Variants in MCF2L observed in about 807,000 individuals in gnomAD.
MCF2L encodes guanine nucleotide exchange factor DBS.
A neutral mutation model predicts 153.4 loss-of-function variants in MCF2L; 97 were observed. The observed-to-expected ratio is 0.63, with a 90% CI of 0.54 to 0.75. MCF2L has a LOEUF of 0.75. MCF2L is among the 30% of genes least tolerant of loss of function. The probability of loss-of-function intolerance (pLI) is 0.00; values close to 1 mark genes in which losing one functional copy is unlikely to be tolerated. For synonymous variants in MCF2L, 659 were observed against 632.2 expected, an observed-to-expected ratio of 1.04 and a Z score of -0.64; for missense variants, 1,347 against 1,495.2, an observed-to-expected ratio of 0.90 and a Z score of 1.64.
intron 2 of MCF2L, among the ~76,000 whole-genome samples, chr13:112,912,020 C>A (rs2081238187): frequency 6.6e-6 from 1 of 152,112 alleles, no homozygotes; most frequent in Non-Finnish European, 1.5e-5. Flanking sequence ...TAAGTTCTAC[C>A]CCACCCTCAC....
intron 1 of MCF2L, among the ~76,000 whole-genome samples, chr13:112,972,515 A>AGTGGATGGATGGATGTGTGG (rs2082077403): frequency 3.5e-5 from 4 of 115,246 alleles, no homozygotes; most frequent in Non-Finnish European, 7.4e-5. Flanking sequence ...TGGATGTGTG[A>AGTGGATGGATGGATGTGTGG]GTGGATGGAT....
rs1440120791 is a variant in MCF2L, at chr13:113,053,349, A to T, written c.370-7244A>T. On this transcript the variant is annotated intron_variant, in intron 4 of 29. Transcript: ENST00000535094. The surrounding 1 kb of genome is among the most constrained non-coding windows in gnomAD (Gnocchi z 4.4). ...GCTTTCTGTCTTTTGTGAGATTGAG[A>T]TTTGCGAAGGGTTGAAGCCAGTTGC... Among the ~76,000 whole-genome samples, 1 of 152,080 alleles carries T rather than the reference A, an allele frequency of 6.6e-6. No homozygotes were observed. Among genetic ancestry groups the T allele is most frequent in the Non-Finnish European group, 1.5e-5 (1 of 68,032 alleles).
chr13:112,974,343 C>T (rs1392825429), intron 1 of MCF2L, among the ~76,000 whole-genome samples: 1 of 152,116 alleles, frequency 6.6e-6, no homozygotes, highest in Non-Finnish European at 1.5e-5. Context: ...CGTGGCCAAC[C>T]TCTGAGTCTG....
chr13:113,024,602 A>C lies in MCF2L; in HGVS notation c.164-42A>C, dbSNP rs549857796. The C allele has an allele frequency of 2.4e-5, 33 of 1,371,120 alleles. No individual in the cohort carries two copies. In the African/African-American group the frequency reaches 3.4e-4, roughly 14 times the overall value. 84.9% of individuals were successfully genotyped at this position (1,371,120 alleles called of 1,614,324 possible). A position where few individuals can be genotyped will look rare whatever the true frequency, so the allele number is the denominator to read the frequency against. The stretch of plus-strand genomic sequence containing the variant: ...CGACATCTGTGGAACCCCCGGGGGC[A>C]TGGAGCCCTCGGCTAAGGGTCTGCC... On this transcript the variant is annotated intron_variant, in intron 2 of 29. Transcript: ENST00000535094.
chr13:113,049,468 T>C (rs554330286), intron 4 of MCF2L, among the ~76,000 whole-genome samples: 209 of 152,312 alleles, frequency 1.4e-3, no homozygotes, highest in African/African-American at 4.4e-3. Context: ...AATGGTGCAG[T>C]TGACCTGACG....
chr13:112,896,175 G>GTC (rs2081066042), intron 1 of MCF2L, among the ~76,000 whole-genome samples: 1 of 152,256 alleles, frequency 6.6e-6, no homozygotes, highest in South Asian at 2.1e-4. Context: ...AAGGGGCACA[G>GTC]TCATCATCCT....
Position 113,065,143 on chromosome 13 carries a change from C to T in MCF2L, c.756+58C>T, listed in dbSNP as rs766868711. ...GGGGGCTCCGGTCAGTCAGAAGCTG[C>T]GCGGGGCTCCGGTCGGAAGCTGCGG... is the stretch of plus-strand genomic sequence containing the variant. On this transcript the variant is annotated intron_variant, in intron 7 of 29. Transcript: ENST00000535094. The T allele has an allele frequency of 9.9e-5, 157 of 1,589,158 alleles. 1 individual carries two copies. Among genetic ancestry groups the T allele is most frequent in the Middle Eastern group, 3.3e-4 (2 of 5,982 alleles).
intron 1 of MCF2L, among the ~76,000 whole-genome samples, chr13:112,974,779 G>C (rs1162512142): frequency 6.6e-6 from 1 of 152,166 alleles, no homozygotes; most frequent in African/African-American, 2.4e-5. Flanking sequence ...CTCATGAAAG[G>C]CATGCTATGT....
chr13:112,985,386 G>A (rs1333818843), intron 1 of MCF2L: 4 of 470,828 alleles, frequency 8.5e-6, no homozygotes, highest in South Asian at 1.5e-5. Flanking sequence ...CCTCGCCATG[G>A]GGGACGGAAA....
chr13:113,060,559 G>C, intron 4 of MCF2L, 34 bp from the exon 5 acceptor site: 1 of 1,607,736 alleles, frequency 6.2e-7, no homozygotes, highest in Non-Finnish European at 8.5e-7. Flanking sequence ...TGCAGAGCAC[G>C]CTGCAGGCCC....
rs2081473330 is a variant in MCF2L, at chr13:112,932,426, G to T, written c.169+30055G>T. 6.6e-6 allele frequency among the ~76,000 whole-genome samples: 1 copy of T among 152,198 alleles called. No homozygotes were observed. Among genetic ancestry groups the T allele is most frequent in the African/African-American group, 2.4e-5 (1 of 41,454 alleles). On this transcript the variant is annotated intron_variant, in intron 2 of 29. Transcript: ENST00000375608. This position sits in a 1 kb window ranked among gnomAD's most constrained non-coding sequence, Gnocchi z 4.6. Reference sequence around the variant, plus strand: ...AGCCAAGAGGAGCTGAAGGAGACAGGATGACTGAATCCTAGAACAGAAGAA... The same window carrying T: ...AGCCAAGAGGAGCTGAAGGAGACAGTATGACTGAATCCTAGAACAGAAGAA...
Position 113,096,600 on chromosome 13 carries a change from G to C in MCF2L, c.3239G>C (p.Ser1080Thr), listed in dbSNP as rs867942982. ...TGKEGWVPAS[S>T]LSVRLGPSGS... ...AAGGAGGGCTGGGTGCCGGCCAGCA[G>C]CCTGTCCGTCCGGCTCGGCCCGTCC... Residue 1080 changes from serine (S) to threonine (T), a missense_variant, in exon 29 of 30, where the codon AGC (serine) becomes ACC (threonine). Physicochemically the swap from Ser to Thr is moderately conservative, Grantham distance 58 (BLOSUM62 1). Around this residue, in one of 3 missense-constraint regions of MCF2L, gnomAD observed 383 missense variants for 335.4 expected, o/e 1.14. Coordinates refer to ENST00000535094, the MANE Select transcript of MCF2L (RefSeq NM_001112732.3). 1 of 1,603,130 alleles carries C rather than the reference G, an allele frequency of 6.2e-7. No individual in the cohort carries two copies.
intron 1 of MCF2L, among the ~76,000 whole-genome samples, chr13:112,973,167 T>C (rs989202313): frequency 5.3e-5 from 8 of 152,132 alleles, no homozygotes; most frequent in African/African-American, 1.9e-4. Context: ...CAGCGGTTTC[T>C]GACGGACGCC....
intron 2 of MCF2L, among the ~76,000 whole-genome samples, chr13:112,963,585 A>G (rs878937011): frequency 1.3e-5 from 2 of 152,176 alleles, no homozygotes; most frequent in Admixed American, 1.3e-4. Flanking sequence ...TTGCTGCTCC[A>G]TAGCCTGTCT....
intron 2 of MCF2L, among the ~76,000 whole-genome samples, chr13:112,918,120 T>G (rs192803059): frequency 5.9e-5 from 9 of 152,368 alleles, no homozygotes; most frequent in Admixed American, 5.9e-4. Flanking sequence ...TCTGAGTCAT[T>G]GTGCTGCCTT....
At chr13:113,094,758 A>C in intron 27 of MCF2L, 123 bp downstream of exon 27, 1 of 1,291,030 alleles carries the variant, frequency 7.7e-7, no homozygotes, top group Non-Finnish European at 1.1e-6. Flanking sequence ...CTAACCCTGG[A>C]AGGTCCACAT....
At chr13:112,897,667 C>T (rs1324046987) in intron 1 of MCF2L, among the ~76,000 whole-genome samples, 2 of 152,172 alleles carry the variant, frequency 1.3e-5, no homozygotes, top group African/African-American at 2.4e-5. Flanking sequence ...CTGTGGAGAC[C>T]GGAGAGGGTA....
chr13:112,903,988 C>T (rs2081145710), intron 2 of MCF2L, among the ~76,000 whole-genome samples: 1 of 152,178 alleles, frequency 6.6e-6, no homozygotes, highest in South Asian at 2.1e-4. Flanking sequence ...ACCTCTGCAA[C>T]TGGAAGGTTG....
In MCF2L at chr13:113,033,415, G is replaced by A. The variant is rs933291426; in HGVS notation, c.278+8657G>A. Among the ~76,000 whole-genome samples, 30 of 85,644 alleles carry A rather than the reference G, an allele frequency of 3.5e-4. 1 individual carries two copies. Among genetic ancestry groups the A allele is most frequent in the South Asian group, 4.0e-4 (1 of 2,494 alleles). 56.2% of individuals were successfully genotyped at this position (85,644 alleles called of 152,430 possible). A position where few individuals can be genotyped will look rare whatever the true frequency, so the allele number is the denominator to read the frequency against. ...CCGTGATGTGAGTGGACCCCGTGGC[G>A]TGAGTGGCCCCCATGATGTGAGTGG... On this transcript the variant is annotated intron_variant, in intron 3 of 29. Coordinates refer to ENST00000535094, the MANE Select transcript of MCF2L (RefSeq NM_001112732.3).
Sources: gnomAD v4.1 joint callset for allele counts (sites outside exome capture counted in the v4.1 genomes callset) on GRCh38, gnomAD v4.1.1 for gene constraint, gnomAD v4.1.1 regional missense constraint, Gnocchi (gnomAD v3.1) non-coding constraint, MANE v1.5 for transcripts, NCBI Gene and HGNC (gene_info 2026-07-23, HGNC 2026-07-21) for gene names.